The following FBXW8 variants were observed in gnomAD, a reference collection of about 807,000 sequenced individuals.
The protein encoded by FBXW8 is F-box/WD repeat-containing protein 8.
A neutral mutation model predicts 65.3 loss-of-function variants in FBXW8; 57 were observed. The ratio of observed to expected loss-of-function variants is 0.87; its 90% CI spans 0.71 to 1.09. The LOEUF is 1.09. FBXW8 is among the 50% of genes least tolerant of loss of function. FBXW8 has a pLI of 0.00. For synonymous variants in FBXW8, 308 were observed against 330.2 expected, an observed-to-expected ratio of 0.93 and a Z score of 0.73; for missense variants, 777 against 814.8, an observed-to-expected ratio of 0.95 and a Z score of 0.57.
intron 5 of FBXW8, among the ~76,000 whole-genome samples, chr12:116,974,775 CAGTA>C (rs1168014492): frequency 6.6e-6 from 1 of 152,140 alleles, no homozygotes; most frequent in East Asian, 1.9e-4. Context: ...ACCCTGGTAA[CAGTA>C]AGCACAGCTA....
chr12:116,913,900 C>A (rs898557230), intron 1 of FBXW8, among the ~76,000 whole-genome samples: 1 of 152,254 alleles, frequency 6.6e-6, no homozygotes, highest in East Asian at 1.9e-4. Flanking sequence ...TCCTCTGCCC[C>A]CTTCAGAATC....
intron 8 of FBXW8, among the ~76,000 whole-genome samples, chr12:117,021,165 T>C (rs559659732): frequency 1.3e-5 from 2 of 152,342 alleles, no homozygotes; most frequent in East Asian, 1.9e-4. Context: ...GCTGGGTAGA[T>C]TGGTGACAAG....
chr12:116,946,941 T>G (rs1472347568), intron 3 of FBXW8, among the ~76,000 whole-genome samples: 2 of 152,092 alleles, frequency 1.3e-5, no homozygotes, highest in African/African-American at 4.8e-5. Flanking sequence ...GAGATACTTT[T>G]GAGATTTACA....
chr12:117,001,808 A>T (rs1311688425), intron 7 of FBXW8, among the ~76,000 whole-genome samples: 17 of 152,132 alleles, frequency 1.1e-4, no homozygotes. Context: ...CTCTGACATG[A>T]ATATTCCCTG....
chr12:116,991,558 G>A (rs539550223), intron 7 of FBXW8, among the ~76,000 whole-genome samples: 18 of 152,190 alleles, frequency 1.2e-4, no homozygotes, highest in Non-Finnish European at 2.2e-4. Flanking sequence ...TGGTGGCAGC[G>A]TGTGTCCCAG....
chr12:117,020,349 G>A (rs1954065159), intron 8 of FBXW8, among the ~76,000 whole-genome samples: 1 of 152,084 alleles, frequency 6.6e-6, no homozygotes, highest in African/African-American at 2.4e-5. Context: ...TATACTCTTA[G>A]ATATGTATTT....
chr12:117,030,780 C>G lies in FBXW8; in HGVS notation c.*2608C>G, dbSNP rs1230183374. 6.6e-6 allele frequency: 1 copy of G among 152,224 alleles called. No individual in the cohort carries two copies. 9.4% of individuals were successfully genotyped at this position (152,224 alleles called of 1,614,324 possible). A position where few individuals can be genotyped will look rare whatever the true frequency, so the allele number is the denominator to read the frequency against. On this transcript the variant is annotated 3_prime_UTR_variant, in exon 11 of 11. Transcript: ENST00000652555. ...ACTCAAGCTGTCATCTTCAAGCACGCCAACTTCAGGCAGTGTTTTCTACTG... is the reference window on the plus strand; with the variant it reads ...ACTCAAGCTGTCATCTTCAAGCACGGCAACTTCAGGCAGTGTTTTCTACTG...
At chr12:116,927,411 C>T (rs762957750) in intron 1 of FBXW8, among the ~76,000 whole-genome samples, 3 of 152,200 alleles carry the variant, frequency 2.0e-5, no homozygotes, top group Non-Finnish European at 4.4e-5. Context: ...CATTAGGAAA[C>T]CTTGCACTTC....
At chr12:116,971,735 A>G (rs1884661041) in intron 5 of FBXW8, among the ~76,000 whole-genome samples, 1 of 152,174 alleles carries the variant, frequency 6.6e-6, no homozygotes, top group Admixed American at 6.5e-5. Context: ...CTTAAAAAAA[A>G]TAAAACTAGA....
At position 117,027,137 on chromosome 12, in the gene FBXW8, T is replaced by C. The variant is rs553571553; in HGVS notation, c.1542-257T>C. 5.9e-5 allele frequency among the ~76,000 whole-genome samples: 9 copies of C among 152,194 alleles called. No homozygotes were observed. The East Asian group carries it at 9.7e-4, about 16-fold the overall frequency. Reference sequence around the variant, plus strand: ...CCCTTTATGTCTGGAATGTACCAGGTTGTGGGGGCAGATGCCAGCATGCGT... The same window carrying C: ...CCCTTTATGTCTGGAATGTACCAGGCTGTGGGGGCAGATGCCAGCATGCGT... On this transcript the variant is annotated intron_variant, in intron 9 of 10. Transcript: ENST00000652555.
intron 9 of FBXW8, 68 bp downstream of exon 9, chr12:117,024,388 G>A (rs1954177464): frequency 6.3e-7 from 1 of 1,576,086 alleles, no homozygotes; most frequent in Non-Finnish European, 8.7e-7. Flanking sequence ...TAATCAGCCT[G>A]CACCAGGCAC....
chr12:117,023,586 T>C (rs544356136), intron 8 of FBXW8, among the ~76,000 whole-genome samples: 1 of 152,352 alleles, frequency 6.6e-6, no homozygotes, highest in East Asian at 1.9e-4. Context: ...AATAAGTGAC[T>C]GCCCAGGGTA....
At chr12:116,973,149 A>G (rs763234330) in intron 5 of FBXW8, among the ~76,000 whole-genome samples, 2 of 152,246 alleles carry the variant, frequency 1.3e-5, no homozygotes, top group Non-Finnish European at 2.9e-5. Context: ...ATAGGAATAT[A>G]TGAGTATATC....
intron 8 of FBXW8, among the ~76,000 whole-genome samples, chr12:117,011,976 A>T (rs1179837508): frequency 6.6e-6 from 1 of 152,226 alleles, no homozygotes; most frequent in African/African-American, 2.4e-5. Flanking sequence ...CGCTCTTATA[A>T]GTAATCTAGA....
intron 7 of FBXW8, among the ~76,000 whole-genome samples, chr12:116,993,397 C>T (rs1003525553): frequency 7.2e-5 from 11 of 152,144 alleles, no homozygotes; most frequent in African/African-American, 2.2e-4. Flanking sequence ...CCACCGCACC[C>T]GGCCTGTTTT....
intron 5 of FBXW8, among the ~76,000 whole-genome samples, chr12:116,975,185 G>T (rs184290228): frequency 1.8e-4 from 28 of 152,332 alleles, no homozygotes; most frequent in Non-Finnish European, 3.7e-4. Flanking sequence ...AATCATAATT[G>T]TCGTAGGCAA....
intron 6 of FBXW8, 37 bp from the exon 7 acceptor site, chr12:116,988,626 G>A: frequency 6.3e-7 from 1 of 1,589,394 alleles, no homozygotes; most frequent in African/African-American, 1.3e-5. Flanking sequence ...AAGTCAGGAT[G>A]AATTTATGGG....
intron 1 of FBXW8, 98 bp from the exon 2 acceptor site, chr12:116,927,925 C>T: frequency 1.4e-6 from 1 of 692,568 alleles, no homozygotes; most frequent in Non-Finnish European, 2.5e-6. Flanking sequence ...TATCTTGTTA[C>T]CACCTAAGAA....
intron 8 of FBXW8, among the ~76,000 whole-genome samples, chr12:117,021,394 G>A (rs1954090397): frequency 3.3e-5 from 5 of 152,002 alleles, no homozygotes. Context: ...TTTATCATTG[G>A]ACTGACTTTC....
Sources: gnomAD v4.1 joint callset for allele counts (sites outside exome capture counted in the v4.1 genomes callset) on GRCh38, gnomAD v4.1.1 for gene constraint, MANE v1.5 for transcripts, NCBI Gene and HGNC (gene_info 2026-07-23, HGNC 2026-07-21) for gene names.